The following PTCHD1 variants were observed in gnomAD, a reference collection of about 807,000 sequenced individuals.
PTCHD1 encodes the protein patched domain containing 1.
Under a neutral mutation model 34.6 loss-of-function variants are expected in PTCHD1, and 3 were observed. The ratio of observed to expected loss-of-function variants is 0.09; its 90% CI spans 0.04 to 0.22. PTCHD1 has a LOEUF of 0.22. PTCHD1 is among the 10% of genes least tolerant of loss of function. PTCHD1 has a pLI of 1.00. For missense variants in PTCHD1, 504 were observed against 685.5 expected (o/e 0.74, Z 2.96); for synonymous variants, 305 against 283.1 (o/e 1.08, Z -0.77).
At chrX:23,365,666 T>A (rs1922121520) in intron 1 of PTCHD1, among the ~76,000 whole-genome samples, 1 of 111,700 alleles carries the variant, frequency 9.0e-6, no homozygotes, top group Non-Finnish European at 1.9e-5. Context: ...ATAGGCCAAG[T>A]CCCATCTGTC....
At position 23,369,772 on chromosome X, in the gene PTCHD1, A is replaced by G. The variant is rs182414406; in HGVS notation, c.352-9819A>G. On this transcript the variant is annotated intron_variant, in intron 1 of 2. Coordinates refer to ENST00000379361, the MANE Select transcript of PTCHD1 (RefSeq NM_173495.3). ...TAACTAGAGAGCTAACCTGCAGATG[A>G]TGGGACAATTTTCAAACTTGGAGCT... is the stretch of plus-strand genomic sequence containing the variant. Among the ~76,000 whole-genome samples, 6 of 111,697 alleles carry G rather than the reference A, an allele frequency of 5.4e-5. No homozygotes were observed. In the East Asian group the frequency reaches 1.4e-3, roughly 26 times the overall value.
At chrX:23,375,448 C>T (rs1365201272) in intron 1 of PTCHD1, among the ~76,000 whole-genome samples, 2 of 111,650 alleles carry the variant, frequency 1.8e-5, no homozygotes, top group African/African-American at 3.3e-5. Flanking sequence ...CACACCACCA[C>T]GCCCGGCTAA....
intron 1 of PTCHD1, among the ~76,000 whole-genome samples, chrX:23,378,688 AAGCT>A (rs1922474724): frequency 8.9e-6 from 1 of 111,984 alleles, no homozygotes; most frequent in African/African-American, 3.2e-5. Flanking sequence ...CTGTAAAATG[AAGCT>A]AGTACTTGAA....
intron 2 of PTCHD1, among the ~76,000 whole-genome samples, chrX:23,385,541 G>T (rs1922666878): frequency 9.0e-6 from 1 of 111,536 alleles, no homozygotes; most frequent in Admixed American, 9.5e-5. Context: ...CATAGACCCT[G>T]GGGAGAAATA....
rs1458298479 is a variant in PTCHD1 at position 23,401,292 on chromosome X, G to A, written c.*7107G>A. ...GCTCATGCTCAGGAAAACTAATAAC[G>A]TTCTCTTTGACAAAACAATTTCCTT... On this transcript the variant is annotated 3_prime_UTR_variant, in exon 3 of 3. Coordinates refer to ENST00000379361, the MANE Select transcript of PTCHD1 (RefSeq NM_173495.3). The A allele has an allele frequency of 2.7e-5, 3 of 112,134 alleles. No individual in the cohort carries two copies. Among genetic ancestry groups the A allele is most frequent in the Non-Finnish European group, 3.8e-5 (2 of 53,194 alleles). The allele number at this position is 112,134 out of a possible 1,213,427, so 9.2% of individuals were successfully genotyped here.
Position 23,379,777 on chromosome X carries a change from T to G in PTCHD1, c.538T>G (p.Leu180Val), listed in dbSNP as rs750996674. 2 of 1,211,286 alleles carry G rather than the reference T, an allele frequency of 1.7e-6. No individual in the cohort carries two copies. Among genetic ancestry groups the G allele is most frequent in the East Asian group, 5.9e-5 (2 of 33,818 alleles). The stretch of plus-strand genomic sequence containing the variant: ...TGCTATCACATACCCAATCACTCAC[T>G]TAAAGGACGGGAGGGCTGTGTACAA... ...NFAITYPITH[L>V]KDGRAVYNGH... The change falls in exon 2 of 3, where the codon TTA becomes GTA. Residue 180 changes from leucine to valine, a missense_variant. Coordinates refer to ENST00000379361, the MANE Select transcript of PTCHD1 (RefSeq NM_173495.3).
intron 1 of PTCHD1, 106 bp from the exon 2 acceptor site, chrX:23,379,485 A>G (rs749859770): frequency 2.4e-6 from 2 of 837,496 alleles, no homozygotes; most frequent in Non-Finnish European, 3.4e-6. Flanking sequence ...TAGGTTTATA[A>G]CATTTGATTT....
At chrX:23,357,306 A>G (rs1167723013) in intron 1 of PTCHD1, among the ~76,000 whole-genome samples, 1 of 112,075 alleles carries the variant, frequency 8.9e-6, no homozygotes, top group Non-Finnish European at 1.9e-5. Context: ...TTCAGACATC[A>G]TGGAAATGTG....
chrX:23,340,591 GC>G (rs762195009), intron 1 of PTCHD1, among the ~76,000 whole-genome samples: 7 of 112,385 alleles, frequency 6.2e-5, no homozygotes, highest in Admixed American at 4.7e-4. Flanking sequence ...AGGAGGCAGT[GC>G]TTTGTTGCCT....
intron 1 of PTCHD1, among the ~76,000 whole-genome samples, chrX:23,348,445 T>C (rs1364969600): frequency 9.1e-6 from 1 of 110,406 alleles, no homozygotes; most frequent in East Asian, 2.8e-4. Flanking sequence ...TCCAGGTAGC[T>C]CAAAGAACAC....
In PTCHD1 at chrX:23,397,460, C is replaced by G. The variant is rs1923018115; in HGVS notation, c.*3275C>G. 8.9e-6 allele frequency: 1 copy of G among 112,195 alleles called. No individual in the cohort carries two copies. The highest frequency in any genetic ancestry group is 1.9e-5 in the Non-Finnish European group (1 of 53,252). 9.2% of individuals were successfully genotyped at this position (112,195 alleles called of 1,213,427 possible). ...CCTCGTGAAATGTTTCTCCATTGTT[C>G]CAGCTCATAAGTTTTACTTTGTTTT... On this transcript the variant is annotated 3_prime_UTR_variant, in exon 3 of 3. Coordinates refer to ENST00000379361, the MANE Select transcript of PTCHD1 (RefSeq NM_173495.3).
rs144974686 is a variant in PTCHD1, at chrX:23,361,338, T to C, written c.352-18253T>C. On this transcript the variant is annotated intron_variant, in intron 1 of 2. Coordinates refer to ENST00000379361, the MANE Select transcript of PTCHD1 (RefSeq NM_173495.3). Reference sequence around the variant, plus strand: ...CCTTATGAATCTGCGTGCTCCTGTATTGGGTGCATATATATTTAGGATAGT... The same window carrying C: ...CCTTATGAATCTGCGTGCTCCTGTACTGGGTGCATATATATTTAGGATAGT... 3.2e-3 allele frequency among the ~76,000 whole-genome samples: 362 copies of C among 112,276 alleles called. 3 individuals are homozygous for C. Among genetic ancestry groups the C allele is most frequent in the Middle Eastern group, 9.3e-3 (2 of 215 alleles).
At chrX:23,381,193 G>A (rs1207905443) in intron 2 of PTCHD1, among the ~76,000 whole-genome samples, 1 of 112,411 alleles carries the variant, frequency 8.9e-6, no homozygotes, top group East Asian at 2.8e-4. Context: ...GTGACAGCGT[G>A]CTTCCAGTGT....
intron 1 of PTCHD1, among the ~76,000 whole-genome samples, chrX:23,364,170 G>A (rs1922067902): frequency 9.0e-6 from 1 of 111,059 alleles, no homozygotes; most frequent in East Asian, 2.8e-4. Flanking sequence ...GAAGTTGATA[G>A]AGTCAGAATA....
At chrX:23,351,277 CTG>C (rs1367720735) in intron 1 of PTCHD1, 1 of 816,018 alleles carries the variant, frequency 1.2e-6, no homozygotes, top group Non-Finnish European at 1.8e-6. Context: ...CTCATTCACT[CTG>C]TTCACACAAA....
intron 1 of PTCHD1, among the ~76,000 whole-genome samples, chrX:23,362,197 G>T (rs1008802407): frequency 6.3e-5 from 7 of 111,929 alleles, no homozygotes; most frequent in African/African-American, 2.0e-4. Context: ...ATGTTGTCCT[G>T]CCTTTCTAGG....
rs2146651925 is a variant in PTCHD1, at chrX:23,392,715, C to A, written c.1197C>A (p.Ala399=). ...GCCCTTTCACGAACATTGAGGCAGCCAGGATTTTCTGCTGCAATTCCTGTA... is the reference window on the plus strand; with the variant it reads ...GCCCTTTCACGAACATTGAGGCAGCAAGGATTTTCTGCTGCAATTCCTGTA... ...GASPFTNIEA[A]RIFCCNSCIA... is the part of the protein sequence containing the mutation. Residue 399 remains alanine, a synonymous_variant, in exon 3 of 3, where the codon GCC becomes GCA. Coordinates refer to ENST00000379361, the MANE Select transcript of PTCHD1 (RefSeq NM_173495.3). The A allele has an allele frequency of 8.3e-7, 1 of 1,212,054 alleles. No homozygotes were observed. Among genetic ancestry groups the A allele is most frequent in the South Asian group, 1.8e-5 (1 of 56,988 alleles).
intron 1 of PTCHD1, among the ~76,000 whole-genome samples, chrX:23,358,468 T>C (rs1002676598): frequency 6.2e-5 from 7 of 112,407 alleles, no homozygotes; most frequent in Non-Finnish European, 1.1e-4. Flanking sequence ...TCTGTTCAAA[T>C]ACTTTGCCCA....
intron 1 of PTCHD1, among the ~76,000 whole-genome samples, chrX:23,354,793 G>A (rs966456211): frequency 2.8e-5 from 3 of 108,899 alleles, no homozygotes; most frequent in African/African-American, 1.0e-4. Context: ...GGATGGTCTC[G>A]ATCTCTTGAC....
Sources: allele counts gnomAD v4.1 joint callset (sites outside exome capture counted in the v4.1 genomes callset), GRCh38; gene constraint gnomAD v4.1.1; transcripts MANE v1.5; gene names NCBI Gene and HGNC (gene_info 2026-07-23, HGNC 2026-07-21).